The following USP32 variants were observed in gnomAD, a reference collection of about 807,000 sequenced individuals.
USP32 encodes the protein ubiquitin carboxyl-terminal hydrolase 32.
In USP32, 59 loss-of-function variants were observed where a neutral mutation model predicts 204.8. The ratio of observed to expected loss-of-function variants is 0.29; its 90% CI spans 0.23 to 0.36. USP32 has a LOEUF of 0.36. Among genes scored for constraint, USP32 ranks in the 10% least tolerant of loss-of-function variants. The probability of loss-of-function intolerance (pLI) is 1.00; values close to 1 mark genes in which losing one functional copy is unlikely to be tolerated. For missense variants in USP32, 1,160 were observed against 1,946.4 expected, an observed-to-expected ratio of 0.60 and a Z score of 7.60; for synonymous variants, 517 against 678.4, an observed-to-expected ratio of 0.76 and a Z score of 3.70.
At chr17:60,414,155 G>C (rs1312175629) in intron 1 of USP32, among the ~76,000 whole-genome samples, 1 of 152,102 alleles carries the variant, frequency 6.6e-6, no homozygotes, top group East Asian at 2.0e-4. Context: ...TTGAGGTCAG[G>C]AGTTCGAGAC....
intron 5 of USP32, among the ~76,000 whole-genome samples, chr17:60,280,575 G>A (rs567336156): frequency 3.3e-5 from 5 of 152,308 alleles, no homozygotes; most frequent in African/African-American, 1.2e-4. Context: ...GCATCTGCAT[G>A]TTAACATGTT....
chr17:60,280,173 T>C (rs1181368567), intron 5 of USP32, among the ~76,000 whole-genome samples: 2 of 152,150 alleles, frequency 1.3e-5, no homozygotes, highest in Non-Finnish European at 2.9e-5. Flanking sequence ...CTTGGCTCAC[T>C]GCAACCTCCA....
rs2084166946 is a variant in USP32, at chr17:60,183,433, A to G, written c.3855T>C (p.Phe1285=). Residue 1285 remains phenylalanine, a synonymous_variant, in exon 31 of 34, where the codon TTT becomes TTC. Transcript: ENST00000300896. ...TTATCCACCGACCATTTACAAATTG[A>G]AATCGCTTAAGGTGAATAATCTGGA... ...PPILIIHLKR[F]QFVNGRWIKS... 6.2e-7 allele frequency: 1 copy of G among 1,610,604 alleles called. No individual in the cohort carries two copies. Among genetic ancestry groups the G allele is most frequent in the African/African-American group, 1.3e-5 (1 of 74,814 alleles).
intron 5 of USP32, among the ~76,000 whole-genome samples, chr17:60,272,797 G>GT (rs1391830703): frequency 1.3e-5 from 2 of 152,138 alleles, no homozygotes; most frequent in Non-Finnish European, 2.9e-5. Context: ...TAGGTTGGAG[G>GT]TAAGGTAGCT....
chr17:60,279,824 C>T (rs1598186373), intron 5 of USP32, among the ~76,000 whole-genome samples: 1 of 150,476 alleles, frequency 6.6e-6, no homozygotes, highest in East Asian at 1.9e-4. Flanking sequence ...GCAACAGAGC[C>T]AGAGCCTGTC....
intron 5 of USP32, 24 bp from the exon 6 acceptor site, chr17:60,271,505 T>G (rs1295176179): frequency 3.7e-6 from 6 of 1,609,790 alleles, no homozygotes; most frequent in Middle Eastern, 3.3e-4. Context: ...CAAAAAAGAT[T>G]ATAAAACCTC....
chr17:60,311,845 G>A (rs777850607), intron 2 of USP32, among the ~76,000 whole-genome samples: 3 of 151,944 alleles, frequency 2.0e-5, no homozygotes, highest in African/African-American at 4.8e-5. Context: ...AAAAAAAAAC[G>A]GTAGATATGT....
chr17:60,261,138 G>T (rs897418487), intron 9 of USP32, among the ~76,000 whole-genome samples: 18 of 152,280 alleles, frequency 1.2e-4, no homozygotes, highest in Admixed American at 2.6e-4. Context: ...ATTTCAAAAT[G>T]CTACTTGTTT....
intron 2 of USP32, among the ~76,000 whole-genome samples, chr17:60,341,729 C>T (rs985360110): frequency 4.6e-5 from 7 of 152,160 alleles, no homozygotes; most frequent in African/African-American, 1.7e-4. Context: ...ACGAAGTTCT[C>T]GCGCCATGGT....
chr17:60,211,453 T>C lies in USP32; in HGVS notation c.2241A>G (p.Ser747=). 1 of 1,613,862 alleles carries C rather than the reference T, an allele frequency of 6.2e-7. No homozygotes were observed. Among genetic ancestry groups the C allele is most frequent in the Non-Finnish European group, 8.5e-7 (1 of 1,179,822 alleles). ...GTGTGTTACTAACACACTGGATGCTTGAGTTCATGAAGCATGTGTTTCCCA... is the reference window on the plus strand; with the variant it reads ...GTGTGTTACTAACACACTGGATGCTCGAGTTCATGAAGCATGTGTTTCCCA... ...SNLGNTCFMN[S]SIQCVSNTQP... is the part of the protein sequence containing the mutation. Residue 747 remains serine (S), a synonymous_variant, in exon 20 of 34, where the codon TCA becomes TCG. Coordinates refer to ENST00000300896, the MANE Select transcript of USP32 (RefSeq NM_032582.4).
At chr17:60,396,252 TTTTCTGTAGAGACAGAG>T (rs2089900294), upstream of USP32, among the ~76,000 whole-genome samples, 1 of 151,924 alleles carries the variant, frequency 6.6e-6, no homozygotes, top group African/African-American at 2.4e-5. Flanking sequence ...TAATTTTTTA[TTTTCTGTAGAGACAGAG>T]TTTCTGTAGA....
intron 12 of USP32, among the ~76,000 whole-genome samples, chr17:60,235,892 A>C (rs1246338346): frequency 6.6e-6 from 1 of 152,180 alleles, no homozygotes; most frequent in East Asian, 1.9e-4. Flanking sequence ...ATATGCAGGT[A>C]CCCCCGTACC....
At chr17:60,333,604 C>G (rs970075608) in intron 2 of USP32, among the ~76,000 whole-genome samples, 1 of 101,668 alleles carries the variant, frequency 9.8e-6, no homozygotes, top group Non-Finnish European at 2.0e-5. Context: ...ATCTCAAAAA[C>G]AAAAAATAAA....
intron 5 of USP32, among the ~76,000 whole-genome samples, chr17:60,284,318 A>T (rs1476021904): frequency 1.3e-5 from 2 of 148,904 alleles, no homozygotes; most frequent in African/African-American, 2.5e-5. Context: ...GGTTCAAGTG[A>T]TTCTCCTGCC....
chr17:60,420,069 G>T (rs941525969), intron 1 of USP32, among the ~76,000 whole-genome samples: 13 of 148,384 alleles, frequency 8.8e-5, no homozygotes, highest in East Asian at 2.0e-4. Flanking sequence ...TATTTATTTT[G>T]TTTATTTTAT....
chr17:60,403,350 G>C (rs950069202), intron 1 of USP32, among the ~76,000 whole-genome samples: 13 of 152,238 alleles, frequency 8.5e-5, no homozygotes, highest in Non-Finnish European at 1.3e-4. Flanking sequence ...CAGATGTAAC[G>C]CAGTGTCACT....
intron 5 of USP32, among the ~76,000 whole-genome samples, chr17:60,283,811 G>A (rs548067847): frequency 6.6e-6 from 1 of 152,176 alleles, no homozygotes; most frequent in Non-Finnish European, 1.5e-5. Context: ...TACCTCAAGA[G>A]CAGAAAAGTT....
Position 60,316,065 on chromosome 17 carries a change from T to A in USP32, c.187-14361A>T, listed in dbSNP as rs543745385. 7.9e-4 allele frequency: 164 copies of A among 207,756 alleles called. 3 individuals are homozygous for A. In the South Asian group the frequency reaches 0.011, roughly 14 times the overall value. The allele number at this position is 207,756 out of a possible 1,614,324, so 12.9% of individuals were successfully genotyped here. A position where few individuals can be genotyped will look rare whatever the true frequency, so the allele number is the denominator to read the frequency against. ...GATATGGGACTTCAAAACAGATCTG[T>A]GCTTCCAGAATACAGTTACTGGTGC... On this transcript the variant is annotated intron_variant, in intron 2 of 33. Transcript: ENST00000300896.
At chr17:60,269,075 G>A (rs1235653626) in intron 7 of USP32, among the ~76,000 whole-genome samples, 1 of 152,190 alleles carries the variant, frequency 6.6e-6, no homozygotes, top group African/African-American at 2.4e-5. Context: ...ATATTAATCT[G>A]TGCCAGTGGA....
Sources: gnomAD v4.1 joint callset for allele counts (sites outside exome capture counted in the v4.1 genomes callset) on GRCh38, gnomAD v4.1.1 for gene constraint, MANE v1.5 for transcripts, NCBI Gene and HGNC (gene_info 2026-07-23, HGNC 2026-07-21) for gene names.